The following SERPINB5 variants were observed in gnomAD, a reference collection of about 807,000 sequenced individuals.
SERPINB5 encodes serpin family B member 5.
A neutral mutation model predicts 32.2 loss-of-function variants in SERPINB5; 27 were observed. The ratio of observed to expected loss-of-function variants is 0.84; its 90% CI spans 0.62 to 1.16. The LOEUF (loss-of-function observed/expected upper bound fraction) is 1.16. SERPINB5 is among the 50% of genes most tolerant of loss of function. The pLI, the probability that SERPINB5 is intolerant of heterozygous loss-of-function variation, is 0.00. For synonymous variants in SERPINB5, 154 were observed against 157.4 expected, an observed-to-expected ratio of 0.98 and a Z score of 0.16; for missense variants, 388 against 436.3, an observed-to-expected ratio of 0.89 and a Z score of 0.99.
chr18:63,491,452 T>C (rs185907946), intron 4 of SERPINB5, among the ~76,000 whole-genome samples: 1 of 148,966 alleles, frequency 6.7e-6, no homozygotes, highest in African/African-American at 2.5e-5. Context: ...CAGCTCCATC[T>C]AGGTTGCTGT....
chr18:63,487,384 T>C (rs1241489627), intron 3 of SERPINB5, among the ~76,000 whole-genome samples: 1 of 152,170 alleles, frequency 6.6e-6, no homozygotes, highest in African/African-American at 2.4e-5. Context: ...AACTCTCTAA[T>C]AAATGTAGCT....
intron 3 of SERPINB5, among the ~76,000 whole-genome samples, chr18:63,488,794 A>T (rs1423028586): frequency 6.6e-6 from 1 of 152,200 alleles, no homozygotes; most frequent in African/African-American, 2.4e-5. Context: ...TTCCAACCTT[A>T]ATTTGCAGAT....
At position 63,503,602 on chromosome 18, in the gene SERPINB5, G is replaced by A; in HGVS notation, c.1008G>A (p.Val336=). 1 of 1,614,232 alleles carries A rather than the reference G, an allele frequency of 6.2e-7. No individual in the cohort carries two copies. The highest frequency in any genetic ancestry group is 8.5e-7 in the Non-Finnish European group (1 of 1,180,036). ...ITEDGGDSIE[V]PGARILQHKD... is the part of the protein sequence containing the mutation. ...AAGATGGTGGGGATTCCATAGAGGT[G>A]CCAGGAGCACGGATCCTGCAGCACA... Residue 336 remains valine, a synonymous_variant, in exon 7 of 7, where the codon GTG becomes GTA. Transcript: ENST00000382771.
chr18:63,496,195 A>C (rs1909442343), intron 5 of SERPINB5, among the ~76,000 whole-genome samples: 1 of 152,208 alleles, frequency 6.6e-6, no homozygotes, highest in South Asian at 2.1e-4. Context: ...AGTGAAATTG[A>C]TGACAGTTTT....
At chr18:63,477,747 A>G (rs1443001692) in intron 1 of SERPINB5, among the ~76,000 whole-genome samples, 1 of 152,150 alleles carries the variant, frequency 6.6e-6, no homozygotes, top group African/African-American at 2.4e-5. Flanking sequence ...ACTTTTTCTT[A>G]TGGCTTCATT....
At chr18:63,483,931 CATATCTTTTTGG>C (rs1917162773) in intron 1 of SERPINB5, among the ~76,000 whole-genome samples, 1 of 152,224 alleles carries the variant, frequency 6.6e-6, no homozygotes, top group African/African-American at 2.4e-5. Context: ...TAGGACTTAA[CATATCTTTTTGG>C]GGGACACAAT....
chr18:63,493,244 A>C, intron 5 of SERPINB5, 149 bp downstream of exon 5: 1 of 985,818 alleles, frequency 1.0e-6, no homozygotes, highest in South Asian at 1.3e-5. Flanking sequence ...CTGGAAGGTA[A>C]GTGGTACAAA....
intron 1 of SERPINB5, among the ~76,000 whole-genome samples, chr18:63,478,381 CT>C (rs1377411677): frequency 6.6e-6 from 1 of 152,330 alleles, no homozygotes; most frequent in East Asian, 1.9e-4. Context: ...AGACGCCCCC[CT>C]GCCATGGGAA....
chr18:63,493,184 T>C (rs745413958), intron 5 of SERPINB5, 89 bp downstream of exon 5: 1 of 1,553,316 alleles, frequency 6.4e-7, no homozygotes, highest in Non-Finnish European at 8.8e-7. Context: ...TCCATTCCAA[T>C]GAGGAACCTG....
At chr18:63,500,893 AC>A (rs1568112821) in intron 6 of SERPINB5, among the ~76,000 whole-genome samples, 6 of 149,440 alleles carry the variant, frequency 4.0e-5, no homozygotes, top group African/African-American at 7.5e-5. Context: ...TTGGTGCATT[AC>A]TCTCTCTGTT....
chr18:63,487,977 T>A (rs949924629), intron 3 of SERPINB5, among the ~76,000 whole-genome samples: 2 of 151,948 alleles, frequency 1.3e-5, no homozygotes, highest in Non-Finnish European at 2.9e-5. Flanking sequence ...TAAAGATACA[T>A]ACACACAACC....
chr18:63,488,186 G>T (rs551834607), intron 3 of SERPINB5, among the ~76,000 whole-genome samples: 3 of 152,186 alleles, frequency 2.0e-5, no homozygotes, highest in African/African-American at 7.2e-5. Context: ...GGTGAGATTG[G>T]TTCTGTCAGT....
At position 63,489,423 on chromosome 18, in the gene SERPINB5, C is replaced by G. The variant is rs145559318; in HGVS notation, c.383C>G (p.Thr128Arg). Reference sequence around the variant, plus strand: ...GACTTCAAAGATAAATTGGAAGAAACGAAAGGTCAGATCAACAACTCAATT... The same window carrying G: ...GACTTCAAAGATAAATTGGAAGAAAGGAAAGGTCAGATCAACAACTCAATT... ...TVDFKDKLEE[T>R]KGQINNSIKD... The change falls in exon 4 of 7, where the codon ACG becomes AGG. Residue 128 changes from threonine (T) to arginine (R), a missense_variant. Coordinates refer to ENST00000382771, the MANE Select transcript of SERPINB5 (RefSeq NM_002639.5). 6.2e-7 allele frequency: 1 copy of G among 1,612,602 alleles called. No individual in the cohort carries two copies. The highest frequency in any genetic ancestry group is 8.5e-7 in the Non-Finnish European group (1 of 1,179,290).
chr18:63,487,065 A>C lies in SERPINB5; in HGVS notation c.288A>C (p.Lys96Asn). 1 of 1,613,614 alleles carries C rather than the reference A, an allele frequency of 6.2e-7. No individual in the cohort carries two copies. Among genetic ancestry groups the C allele is most frequent in the Non-Finnish European group, 8.5e-7 (1 of 1,179,802 alleles). ...LKLIKRLYVD[K>N]SLNLSTEFIS... is the part of the protein sequence containing the mutation. ...TAATCAAGCGGCTCTACGTAGACAA[A>C]TCTCTGAATCTTTCTACAGTAAGTT... is the stretch of plus-strand genomic sequence containing the variant. Residue 96 changes from lysine to asparagine, a missense_variant, in exon 3 of 7, where the codon AAA becomes AAC. Transcript: ENST00000382771.
intron 1 of SERPINB5, among the ~76,000 whole-genome samples, chr18:63,483,183 C>T (rs529667265): frequency 2.8e-4 from 42 of 152,256 alleles, no homozygotes; most frequent in African/African-American, 1.0e-3. Flanking sequence ...CTTTACCAGG[C>T]TACATATTTT....
intron 4 of SERPINB5, among the ~76,000 whole-genome samples, chr18:63,491,183 C>T (rs181420019): frequency 5.5e-4 from 83 of 152,142 alleles, no homozygotes; most frequent in Non-Finnish European, 9.4e-4. Flanking sequence ...AGCTGGATCA[C>T]CTGAGGTCAG....
Position 63,481,673 on chromosome 18 carries a change from G to A in SERPINB5, c.-7-2749G>A, listed in dbSNP as rs114676825. Among the ~76,000 whole-genome samples the A allele has an allele frequency of 2.1e-3, 322 of 152,324 alleles. 2 individuals carry two copies. Among genetic ancestry groups the A allele is most frequent in the African/African-American group, 7.4e-3 (307 of 41,562 alleles). On this transcript the variant is annotated intron_variant, in intron 1 of 6. Coordinates refer to ENST00000382771, the MANE Select transcript of SERPINB5 (RefSeq NM_002639.5). ...TACTAATATTAAATGTGCTGTGGAA[G>A]GAAGCCAGGTTTCCTATTCTGAAAG...
intron 1 of SERPINB5, among the ~76,000 whole-genome samples, chr18:63,481,664 G>T (rs1404852346): frequency 1.3e-5 from 2 of 152,210 alleles, no homozygotes; most frequent in Non-Finnish European, 2.9e-5. Flanking sequence ...TATTAAATGT[G>T]CTGTGGAAGG....
chr18:63,500,733 G>A (rs1317231629), intron 6 of SERPINB5, among the ~76,000 whole-genome samples: 1 of 152,040 alleles, frequency 6.6e-6, no homozygotes, highest in Non-Finnish European at 1.5e-5. Context: ...CTCTTTGAAG[G>A]CCTGGATCAC....
Sources: allele counts gnomAD v4.1 joint callset (sites outside exome capture counted in the v4.1 genomes callset), GRCh38; gene constraint gnomAD v4.1.1; transcripts MANE v1.5; gene names NCBI Gene and HGNC (gene_info 2026-07-23, HGNC 2026-07-21).